Variants in CFAP47 observed in about 807,000 individuals in gnomAD.
CFAP47 encodes cilia- and flagella-associated protein 47.
A neutral mutation model predicts 148.1 loss-of-function variants in CFAP47; 29 were observed. The ratio of observed to expected loss-of-function variants is 0.20; its 90% confidence interval spans 0.15 to 0.27. CFAP47 has a LOEUF of 0.27. CFAP47 is among the 10% of genes least tolerant of loss of function. The pLI is 1.00. For missense variants in CFAP47, 1,872 were observed against 1,697.5 expected, an observed-to-expected ratio of 1.10 and a Z score of -1.81; for synonymous variants, 664 against 577.3, an observed-to-expected ratio of 1.15 and a Z score of -2.15.
intron 10 of CFAP47, among the ~76,000 whole-genome samples, chrX:35,970,515 A>G (rs1936473492): frequency 9.0e-6 from 1 of 111,409 alleles, no homozygotes; most frequent in South Asian, 3.8e-4. Context: ...TGGATTTAGA[A>G]TAGGCACCAT....
chrX:36,296,253 G>A (rs1332312824), intron 51 of CFAP47, among the ~76,000 whole-genome samples: 1 of 112,167 alleles, frequency 8.9e-6, no homozygotes, highest in Non-Finnish European at 1.9e-5. Context: ...TGTACCACGA[G>A]AGCATGGTCT....
rs1159052783 is a variant in CFAP47 at position 35,924,120 on chromosome X, CGTACATATATGTATATGT to C, written c.250-1890_250-1873del. Among the ~76,000 whole-genome samples the C allele has an allele frequency of 6.8e-4, 66 of 96,740 alleles. 4 individuals are homozygous for C. The highest frequency in any genetic ancestry group is 2.1e-3 in the African/African-American group (52 of 24,313). The allele number at this position is 96,740 out of a possible 115,157, so 84.0% of individuals were successfully genotyped here. A position where few individuals can be genotyped will look rare whatever the true frequency, so the allele number is the denominator to read the frequency against. ...ATATATGTATATATGTACATGTATGCGTACATATATGTATATGTGTACATGTATGCGTACATATATGTA... is the reference window on the plus strand; with the variant it reads ...ATATATGTATATATGTACATGTATGCGTACATGTATGCGTACATATATGTA... On this transcript the variant is annotated intron_variant, in intron 1 of 63. Transcript: ENST00000378653.
chrX:36,242,360 G>C (rs1160530633), intron 48 of CFAP47, among the ~76,000 whole-genome samples: 2 of 112,103 alleles, frequency 1.8e-5, no homozygotes, highest in African/African-American at 6.5e-5. Flanking sequence ...TTCAGAATCT[G>C]GAGGGCAAGG....
chrX:36,136,216 G>C (rs1412082566), intron 33 of CFAP47, among the ~76,000 whole-genome samples: 1 of 108,982 alleles, frequency 9.2e-6, no homozygotes, highest in Non-Finnish European at 1.9e-5. Flanking sequence ...TTGCTGTATT[G>C]TTATGTATTC....
At chrX:36,158,866 A>C (rs2146848562) in intron 37 of CFAP47, among the ~76,000 whole-genome samples, 1 of 111,463 alleles carries the variant, frequency 9.0e-6, no homozygotes, top group Non-Finnish European at 1.9e-5. Flanking sequence ...CAGACTGGTG[A>C]ATGGAATCTC....
chrX:36,301,005 T>A (rs2146957699), intron 52 of CFAP47, 67 bp from the exon 53 acceptor site: 1 of 602,961 alleles, frequency 1.7e-6, no homozygotes, highest in African/African-American at 2.3e-5. Context: ...TGGGGTATAC[T>A]ACTTCTGCCC....
At chrX:35,937,865 AAAG>A (rs1271257863) in intron 2 of CFAP47, among the ~76,000 whole-genome samples, 1 of 111,351 alleles carries the variant, frequency 9.0e-6, no homozygotes, top group Non-Finnish European at 1.9e-5. Flanking sequence ...AACCCTGAAA[AAAG>A]AAGAAAGAAA....
chrX:36,060,732 G>A (rs919671808), intron 26 of CFAP47, among the ~76,000 whole-genome samples: 1 of 111,126 alleles, frequency 9.0e-6, no homozygotes, highest in African/African-American at 3.3e-5. Flanking sequence ...TTTAGGGCAC[G>A]AAATTGGTTC....
intron 53 of CFAP47, among the ~76,000 whole-genome samples, chrX:36,303,605 T>A (rs994433294): frequency 2.3e-4 from 26 of 110,715 alleles, no homozygotes; most frequent in African/African-American, 8.2e-4. Flanking sequence ...TGATTCTATT[T>A]ACAAAGACAC....
chrX:36,035,187 G>A (rs1308491017), intron 23 of CFAP47, among the ~76,000 whole-genome samples: 1 of 111,191 alleles, frequency 9.0e-6, no homozygotes, highest in Non-Finnish European at 1.9e-5. Context: ...TTTCTAACCT[G>A]TGGCCTATTA....
intron 57 of CFAP47, among the ~76,000 whole-genome samples, chrX:36,330,241 TAC>T (rs1941553670): frequency 1.2e-5 from 1 of 80,393 alleles, no homozygotes; most frequent in Non-Finnish European, 2.4e-5. Context: ...GCTGCATTAA[TAC>T]TGAGTAGCAA....
chrX:35,952,408 C>T (rs1221015427), intron 6 of CFAP47, among the ~76,000 whole-genome samples: 1 of 112,191 alleles, frequency 8.9e-6, no homozygotes, highest in Non-Finnish European at 1.9e-5. Flanking sequence ...ATCAGTCAAA[C>T]TTGTTTGCTG....
chrX:36,260,022 T>C (rs1940799093), intron 49 of CFAP47, among the ~76,000 whole-genome samples: 1 of 111,426 alleles, frequency 9.0e-6, no homozygotes, highest in South Asian at 3.8e-4. Flanking sequence ...GATGCATCCA[T>C]GTTGCTTCAA....
At chrX:36,268,200 G>GGTGCCACTGCAC (rs1940918014) in intron 49 of CFAP47, among the ~76,000 whole-genome samples, 1 of 113,568 alleles carries the variant, frequency 8.8e-6, no homozygotes, top group African/African-American at 3.2e-5. Flanking sequence ...AGCTGCAGGT[G>GGTGCCACTGCAC]TCCAGTCAAC....
chrX:36,047,985 T>C (rs1937486741), intron 26 of CFAP47, among the ~76,000 whole-genome samples: 2 of 111,988 alleles, frequency 1.8e-5, no homozygotes, highest in Admixed American at 1.9e-4. Context: ...ACTAAGGCCA[T>C]AAGCATTCCC....
intron 57 of CFAP47, among the ~76,000 whole-genome samples, chrX:36,330,513 T>C (rs1397429455): frequency 8.9e-6 from 1 of 111,814 alleles, no homozygotes; most frequent in Non-Finnish European, 1.9e-5. Flanking sequence ...TTGGCCAAAT[T>C]AAGTCACATG....
chrX:36,312,266 G>A (rs961768203), intron 56 of CFAP47, among the ~76,000 whole-genome samples: 1 of 110,652 alleles, frequency 9.0e-6, no homozygotes, highest in African/African-American at 3.3e-5. Flanking sequence ...AAATTGGTAG[G>A]TAGTGGAAGG....
chrX:36,126,944 G>T (rs1938850714), intron 33 of CFAP47, among the ~76,000 whole-genome samples: 1 of 111,721 alleles, frequency 9.0e-6, no homozygotes, highest in Non-Finnish European at 1.9e-5. Context: ...TGATGGGGTT[G>T]TTTTTTTCTT....
intron 26 of CFAP47, among the ~76,000 whole-genome samples, chrX:36,059,411 G>A (rs1220333237): frequency 2.7e-5 from 3 of 111,908 alleles, no homozygotes; most frequent in African/African-American, 9.7e-5. Flanking sequence ...TATAGGGTAT[G>A]TAATAGCTAG....
Sources: gnomAD v4.1 joint callset for allele counts (sites outside exome capture counted in the v4.1 genomes callset) on GRCh38, gnomAD v4.1.1 for gene constraint, MANE v1.5 for transcripts, NCBI Gene and HGNC (gene_info 2026-07-23, HGNC 2026-07-21) for gene names.